The following ASIC2 variants were observed in gnomAD, a reference collection of about 807,000 sequenced individuals.
ASIC2 encodes acid sensing ion channel subunit 2.
Under a neutral mutation model 57.3 loss-of-function variants are expected in ASIC2, and 25 were observed. That is an observed-to-expected ratio of 0.44 (90% CI 0.32 to 0.61). ASIC2 has a LOEUF of 0.61. ASIC2 is among the 20% of genes least tolerant of loss of function. ASIC2 has a pLI of 0.06. For synonymous variants in ASIC2, 319 were observed against 307.5 expected (o/e 1.04, Z -0.39); for missense variants, 641 against 738.1 (o/e 0.87, Z 1.52).
At chr17:33,440,295 A>G (rs1242672423) in intron 1 of ASIC2, among the ~76,000 whole-genome samples, 2 of 152,224 alleles carry the variant, frequency 1.3e-5, no homozygotes, top group African/African-American at 2.4e-5. Flanking sequence ...TGGATGTAGC[A>G]TGTACCAGTG....
At chr17:33,412,614 G>A (rs1326423777) in intron 1 of ASIC2, among the ~76,000 whole-genome samples, 1 of 152,208 alleles carries the variant, frequency 6.6e-6, no homozygotes, top group Non-Finnish European at 1.5e-5. Flanking sequence ...TAGTCATGAT[G>A]AGGCAAATGT....
At chr17:33,829,373 T>C (rs891685008) in intron 1 of ASIC2, among the ~76,000 whole-genome samples, 9 of 152,290 alleles carry the variant, frequency 5.9e-5, no homozygotes, top group African/African-American at 1.9e-4. Flanking sequence ...TAAAAAGTGC[T>C]GCAATAAGAA....
chr17:33,432,358 G>A (rs1911449681), intron 1 of ASIC2, among the ~76,000 whole-genome samples: 1 of 152,142 alleles, frequency 6.6e-6, no homozygotes, highest in African/African-American at 2.4e-5. Context: ...TCTACAAAAA[G>A]TACAAAAATT....
chr17:33,989,973 C>G (rs1905950750), intron 1 of ASIC2, among the ~76,000 whole-genome samples: 1 of 152,156 alleles, frequency 6.6e-6, no homozygotes, highest in Non-Finnish European at 1.5e-5. Context: ...GACAGCTGGT[C>G]AGCCCTTCGT....
intron 1 of ASIC2, among the ~76,000 whole-genome samples, chr17:33,546,179 A>ATATATATGTATATG (rs1915572309): frequency 6.6e-6 from 1 of 150,380 alleles, no homozygotes; most frequent in South Asian, 2.1e-4. Flanking sequence ...ATATGTAAAT[A>ATATATATGTATATG]TATATACATA....
chr17:34,035,041 GC>G (rs1907811043), intron 1 of ASIC2, among the ~76,000 whole-genome samples: 1 of 150,874 alleles, frequency 6.6e-6, no homozygotes, highest in African/African-American at 2.5e-5. Flanking sequence ...CCAAAAAAGA[GC>G]CTGCATCGCC....
intron 1 of ASIC2, among the ~76,000 whole-genome samples, chr17:33,554,358 ATGTGTGTG>A (rs71144888): frequency 2.7e-5 from 4 of 150,142 alleles, no homozygotes; most frequent in East Asian, 2.0e-4. Context: ...CACTGCTTAT[ATGTGTGTG>A]TGTGTGTGTG....
intron 1 of ASIC2, among the ~76,000 whole-genome samples, chr17:33,277,810 C>T (rs577623105): frequency 5.9e-5 from 9 of 152,114 alleles, no homozygotes; most frequent in African/African-American, 1.9e-4. Flanking sequence ...AAGGAAAGTT[C>T]GGCCTAAGGA....
At chr17:33,748,310 T>C (rs1325918628) in intron 1 of ASIC2, among the ~76,000 whole-genome samples, 1 of 152,174 alleles carries the variant, frequency 6.6e-6, no homozygotes, top group Admixed American at 6.5e-5. Flanking sequence ...AGATGTGGAA[T>C]CTTGAACCCC....
chr17:34,034,219 A>G (rs892536157), intron 1 of ASIC2, among the ~76,000 whole-genome samples: 4 of 152,248 alleles, frequency 2.6e-5, no homozygotes, highest in Non-Finnish European at 4.4e-5. Flanking sequence ...ATGCAAATCA[A>G]TAAATGTAAT....
chr17:34,123,332 A>G (rs1392596712), intron 1 of ASIC2, among the ~76,000 whole-genome samples: 3 of 152,080 alleles, frequency 2.0e-5, no homozygotes, highest in Non-Finnish European at 4.4e-5. Flanking sequence ...AACCCGCCCA[A>G]CCCAGTCAGG....
intron 1 of ASIC2, among the ~76,000 whole-genome samples, chr17:33,708,420 G>T (rs147817980): frequency 3.9e-5 from 6 of 152,014 alleles, no homozygotes; most frequent in Admixed American, 3.9e-4. Flanking sequence ...CTTCATAAGC[G>T]CATGCTTTTA....
chr17:33,657,693 T>G (rs280052), intron 1 of ASIC2, among the ~76,000 whole-genome samples: 3 of 147,912 alleles, frequency 2.0e-5, no homozygotes, highest in African/African-American at 7.6e-5. Flanking sequence ...AAAGCTTATA[T>G]GAAAACAAGC....
Position 33,464,687 on chromosome 17 carries a change from C to CTA in ASIC2, c.556-352622_556-352621dup, listed in dbSNP as rs3057641. Among the ~76,000 whole-genome samples, 194 of 132,640 alleles carry CTA rather than the reference C, an allele frequency of 1.5e-3. 1 individual carries two copies. The highest frequency in any genetic ancestry group is 4.0e-3 in the Admixed American group (50 of 12,544). The allele number at this position is 132,640 out of a possible 152,430, so 87.0% of individuals were successfully genotyped here. A position where few individuals can be genotyped will look rare whatever the true frequency, so the allele number is the denominator to read the frequency against. On this transcript the variant is annotated intron_variant, in intron 1 of 9. Transcript: ENST00000359872. ...TCTCTCTCCCTCTCTCTCTCTCTCT[C>CTA]TATATATATATATATATGTATATAT...
chr17:33,358,492 T>C (rs1908474113), intron 1 of ASIC2, among the ~76,000 whole-genome samples: 1 of 152,228 alleles, frequency 6.6e-6, no homozygotes, highest in Admixed American at 6.5e-5. Context: ...CACGTATTCA[T>C]TTTTGTAGTG....
At chr17:33,875,499 C>T (rs896568789) in intron 1 of ASIC2, among the ~76,000 whole-genome samples, 15 of 152,150 alleles carry the variant, frequency 9.9e-5, no homozygotes, top group African/African-American at 3.4e-4. Flanking sequence ...GGCCACTGCC[C>T]CTCCCAGCAG....
At chr17:33,405,069 T>C (rs956055290) in intron 1 of ASIC2, among the ~76,000 whole-genome samples, 2 of 151,864 alleles carry the variant, frequency 1.3e-5, no homozygotes, top group African/African-American at 2.4e-5. Context: ...GGGACAGGCA[T>C]GTGCTTGTCT....
At chr17:33,659,680 C>T (rs536032316) in intron 1 of ASIC2, among the ~76,000 whole-genome samples, 13 of 152,060 alleles carry the variant, frequency 8.5e-5, no homozygotes, top group South Asian at 6.2e-4. Flanking sequence ...ACCATCCTGG[C>T]CAACATGGTG....
chr17:33,023,380 C>G (rs1204152064), intron 6 of ASIC2, among the ~76,000 whole-genome samples: 2 of 151,696 alleles, frequency 1.3e-5, no homozygotes, highest in African/African-American at 2.4e-5. Flanking sequence ...GTTCCAGCTG[C>G]TCGTGAAGCT....
Sources: allele counts gnomAD v4.1 joint callset (sites outside exome capture counted in the v4.1 genomes callset), GRCh38; gene constraint gnomAD v4.1.1; transcripts MANE v1.5; gene names NCBI Gene and HGNC (gene_info 2026-07-23, HGNC 2026-07-21).